The following SAMMSON variants were observed in gnomAD, a reference collection of about 807,000 sequenced individuals.
The protein encoded by SAMMSON is long intergenic non-protein coding RNA 1212.
intron 6 of SAMMSON, among the ~76,000 whole-genome samples, chr3:70,270,942 A>G (rs7640140): frequency 0.99 from 150,334 of 152,204 alleles, 74,253 homozygotes; most frequent in Non-Finnish European, 1. Context: ...TAGATGATGG[A>G]TTGATGGGTG....
intron 9 of SAMMSON, among the ~76,000 whole-genome samples, chr3:70,380,547 A>C (rs111678647): frequency 0.02 from 2,978 of 151,442 alleles, 37 homozygotes; most frequent in Middle Eastern, 0.058. Context: ...TTCTTTTTTT[A>C]TTTTTTAATT....
intron 4 of SAMMSON, among the ~76,000 whole-genome samples, chr3:70,197,760 A>G (rs994714316): frequency 6.6e-6 from 1 of 152,204 alleles, no homozygotes; most frequent in Non-Finnish European, 1.5e-5. Context: ...TTTTATTTTT[A>G]ATCTCTGTTT....
At chr3:70,359,116 A>G (rs977381019) in intron 9 of SAMMSON, among the ~76,000 whole-genome samples, 9 of 152,108 alleles carry the variant, frequency 5.9e-5, no homozygotes, top group Non-Finnish European at 1.2e-4. Context: ...AGAAAACATC[A>G]TCATCAATTT....
intron 4 of SAMMSON, among the ~76,000 whole-genome samples, chr3:70,074,612 C>T (rs1320847157): frequency 6.6e-6 from 1 of 152,072 alleles, no homozygotes; most frequent in African/African-American, 2.4e-5. Context: ...ATTTAAAAAT[C>T]AGTCTTCGTG....
chr3:70,259,030 A>G (rs1330052360), intron 6 of SAMMSON, among the ~76,000 whole-genome samples: 1 of 152,218 alleles, frequency 6.6e-6, no homozygotes, highest in African/African-American at 2.4e-5. Flanking sequence ...GTTAGTGCTA[A>G]TTAGAGAAAG....
chr3:70,332,199 A>G (rs1052504670), intron 7 of SAMMSON, among the ~76,000 whole-genome samples: 4 of 152,240 alleles, frequency 2.6e-5, no homozygotes, highest in African/African-American at 9.6e-5. Context: ...AGAGAAACAA[A>G]TATGTTTAGG....
At chr3:70,286,041 G>A (rs1702159590) in intron 6 of SAMMSON, among the ~76,000 whole-genome samples, 1 of 152,086 alleles carries the variant, frequency 6.6e-6, no homozygotes, top group East Asian at 1.9e-4. Flanking sequence ...TTCTTTTGCT[G>A]TGCAGAAGCT....
intron 4 of SAMMSON, among the ~76,000 whole-genome samples, chr3:70,201,624 C>A (rs1701240324): frequency 6.6e-6 from 1 of 152,154 alleles, no homozygotes; most frequent in Non-Finnish European, 1.5e-5. Flanking sequence ...GAAACATAGG[C>A]TATTGCAGCA....
At chr3:70,213,468 A>G (rs1701370060) in intron 4 of SAMMSON, among the ~76,000 whole-genome samples, 1 of 152,138 alleles carries the variant, frequency 6.6e-6, no homozygotes, top group African/African-American at 2.4e-5. Context: ...ATGGTGAATT[A>G]TGTTTTCCCT....
chr3:70,215,021 C>T (rs1701392795), intron 4 of SAMMSON, among the ~76,000 whole-genome samples: 4 of 152,136 alleles, frequency 2.6e-5, no homozygotes, highest in South Asian at 2.1e-4. Context: ...AATTTTTTTA[C>T]TATCAGTGTT....
At chr3:70,106,368 T>C (rs1167226104) in intron 4 of SAMMSON, among the ~76,000 whole-genome samples, 1 of 150,674 alleles carries the variant, frequency 6.6e-6, no homozygotes, top group Non-Finnish European at 1.5e-5. Context: ...AGAGACAGGG[T>C]CTAGCTCTGT....
At chr3:70,116,513 C>T (rs2106664111) in intron 4 of SAMMSON, among the ~76,000 whole-genome samples, 1 of 151,850 alleles carries the variant, frequency 6.6e-6, no homozygotes, top group East Asian at 1.9e-4. Flanking sequence ...AAGCCAGTGA[C>T]AGTTTTTTTT....
intron 4 of SAMMSON, among the ~76,000 whole-genome samples, chr3:70,218,827 C>T (rs78351365): frequency 2.6e-5 from 4 of 152,248 alleles, no homozygotes; most frequent in East Asian, 3.9e-4. Context: ...GAAAGACCTA[C>T]AGTTTGCTCT....
intron 4 of SAMMSON, among the ~76,000 whole-genome samples, chr3:70,235,811 A>AATAATT (rs1175371622): frequency 6.6e-6 from 1 of 152,228 alleles, no homozygotes; most frequent in Non-Finnish European, 1.5e-5. Context: ...ATAGAAAAGA[A>AATAATT]ATAATTATAG....
intron 3 of SAMMSON, among the ~76,000 whole-genome samples, chr3:70,026,846 T>G (rs1054922465): frequency 2.6e-5 from 4 of 152,200 alleles, no homozygotes; most frequent in Admixed American, 1.3e-4. Flanking sequence ...CTATCAGTCT[T>G]TTCTTTTTCT....
intron 4 of SAMMSON, among the ~76,000 whole-genome samples, chr3:70,095,501 C>G (rs969463630): frequency 1.3e-5 from 2 of 152,168 alleles, no homozygotes; most frequent in African/African-American, 2.4e-5. Flanking sequence ...GTTGTGCAAT[C>G]ACATACTTTT....
chr3:70,170,601 T>C (rs1576142721), intron 4 of SAMMSON, among the ~76,000 whole-genome samples: 1 of 113,906 alleles, frequency 8.8e-6, no homozygotes, highest in South Asian at 3.3e-4. Flanking sequence ...TTTTTTTTTT[T>C]GTATTTTATG....
At chr3:70,018,723 C>T (rs2066997941) in intron 3 of SAMMSON, among the ~76,000 whole-genome samples, 2 of 152,194 alleles carry the variant, frequency 1.3e-5, no homozygotes, top group African/African-American at 2.4e-5. Context: ...GCATTTAGTG[C>T]TATAAATTTC....
chr3:70,143,761 T>A (rs1289367709), intron 4 of SAMMSON, among the ~76,000 whole-genome samples: 1 of 152,168 alleles, frequency 6.6e-6, no homozygotes, highest in Non-Finnish European at 1.5e-5. Flanking sequence ...TTGGTGTGTT[T>A]CACCATTCTT....
Sources: allele counts gnomAD v4.1 joint callset (sites outside exome capture counted in the v4.1 genomes callset), GRCh38; gene constraint gnomAD v4.1.1; transcripts MANE v1.5; gene names NCBI Gene and HGNC (gene_info 2026-07-23, HGNC 2026-07-21).